Variants in MYO9A observed in about 807,000 individuals in gnomAD.
The protein encoded by MYO9A is myosin IXA.
Under a neutral mutation model 293.3 loss-of-function variants are expected in MYO9A, and 103 were observed. The ratio of observed to expected loss-of-function variants is 0.35; its 90% CI spans 0.30 to 0.41. The LOEUF (loss-of-function observed/expected upper bound fraction) is 0.41, where lower values mean the gene tolerates loss of function less well. Ranked by LOEUF, MYO9A falls within the 10% of genes least tolerant of loss-of-function variation. The pLI is 1.00. For synonymous variants in MYO9A, 1,001 were observed against 1,035.7 expected (o/e 0.97, Z 0.64); for missense variants, 2,685 against 3,033.0 (o/e 0.89, Z 2.69).
At chr15:72,091,763 G>C (rs2079919349) in intron 1 of MYO9A, among the ~76,000 whole-genome samples, 1 of 150,522 alleles carries the variant, frequency 6.6e-6, no homozygotes, top group Non-Finnish European at 1.5e-5. Context: ...GCCCAGGATG[G>C]AGTGCAGTGG....
intron 1 of MYO9A, among the ~76,000 whole-genome samples, chr15:72,107,812 C>CAAA (rs34453440): frequency 4.1e-5 from 6 of 147,720 alleles, no homozygotes; most frequent in Non-Finnish European, 3.0e-5. Context: ...AAAAAAAAAA[C>CAAA]GTCTGCAAAT....
intron 17 of MYO9A, 106 bp from the exon 18 acceptor site, chr15:71,933,815 T>A (rs1567289169): frequency 5.5e-6 from 5 of 902,718 alleles, no homozygotes; most frequent in Non-Finnish European, 8.7e-6. Context: ...CAACAGATTA[T>A]ATACCCATTA....
intron 25 of MYO9A, among the ~76,000 whole-genome samples, chr15:71,896,470 T>C (rs991969299): frequency 1.3e-5 from 2 of 152,080 alleles, no homozygotes; most frequent in Non-Finnish European, 2.9e-5. Flanking sequence ...ACCTCTAGTT[T>C]AAAAAAGTAT....
chr15:71,924,135 T>C (rs917097944), intron 18 of MYO9A, among the ~76,000 whole-genome samples: 10 of 152,262 alleles, frequency 6.6e-5, no homozygotes, highest in African/African-American at 1.4e-4. Flanking sequence ...GTTTAAAAAC[T>C]ATTTGCATAT....
Position 72,049,688 on chromosome 15 carries a change from C to T in MYO9A, c.-71-3054G>A, listed in dbSNP as rs374585934. ...TAGAAGCATTAAGCACTATTGTGAA[C>T]TGCATATGCAAGGGATCTAAACTGC... On this transcript the variant is annotated intron_variant, in intron 1 of 41. Transcript: ENST00000356056. Among the ~76,000 whole-genome samples the T allele has an allele frequency of 9.2e-5, 14 of 152,338 alleles. 1 individual carries two copies. The East Asian group carries it at 1.5e-3, about 17-fold the overall frequency.
chr15:72,021,843 A>G (rs1023867091), intron 4 of MYO9A, among the ~76,000 whole-genome samples: 5 of 152,142 alleles, frequency 3.3e-5, no homozygotes, highest in African/African-American at 1.2e-4. Flanking sequence ...GCTCTCAGAA[A>G]AATAACAGAT....
At chr15:71,944,875 C>T (rs998970130) in intron 15 of MYO9A, among the ~76,000 whole-genome samples, 1 of 152,106 alleles carries the variant, frequency 6.6e-6, no homozygotes, top group Non-Finnish European at 1.5e-5. Context: ...AAAAAATCTG[C>T]TATTATACTT....
chr15:71,963,304 C>T (rs78858787), intron 13 of MYO9A, among the ~76,000 whole-genome samples: 4,765 of 152,212 alleles, frequency 0.031, 120 homozygotes, highest in African/African-American at 0.059. Flanking sequence ...AGGCTGATCT[C>T]GAACTCCAGG....
chr15:71,978,865 C>T (rs1011549718), intron 11 of MYO9A, among the ~76,000 whole-genome samples: 1 of 151,518 alleles, frequency 6.6e-6, no homozygotes, highest in Admixed American at 6.6e-5. Context: ...AATCATCTTA[C>T]AAAGCGCTCC....
intron 13 of MYO9A, among the ~76,000 whole-genome samples, chr15:71,966,265 A>AGAGTGT (rs1555493717): frequency 7.4e-6 from 1 of 134,860 alleles, no homozygotes; most frequent in Non-Finnish European, 1.6e-5. Context: ...ATCCCAGGCA[A>AGAGTGT]GTGTGTGTGT....
At chr15:71,924,874 C>T (rs1462736286) in intron 18 of MYO9A, among the ~76,000 whole-genome samples, 1 of 151,018 alleles carries the variant, frequency 6.6e-6, no homozygotes. Context: ...AAGCCGAGAT[C>T]GTGTCACTGC....
At chr15:71,956,330 A>AAAAAAAAATATATATATAT (rs10642655) in intron 14 of MYO9A, among the ~76,000 whole-genome samples, 1 of 75,584 alleles carries the variant, frequency 1.3e-5, no homozygotes, top group African/African-American at 6.0e-5. Flanking sequence ...AAAAAAAAAA[A>AAAAAAAAATATATATATAT]ATATATATAT....
In MYO9A at chr15:71,996,904, C is replaced by T. The variant is rs539451422; in HGVS notation, c.1471-2319G>A. Among the ~76,000 whole-genome samples, 16 of 151,924 alleles carry T rather than the reference C, an allele frequency of 1.1e-4. No homozygotes were observed. In the East Asian group the frequency reaches 2.1e-3, roughly 20 times the overall value. On this transcript the variant is annotated intron_variant, in intron 9 of 41. Coordinates refer to ENST00000356056, the MANE Select transcript of MYO9A (RefSeq NM_006901.4). ...ATAAGTGTAGGCAGAACTGTAAATA[C>T]GATGGATTTCACTCCCATATGAAAC...
chr15:71,999,632 T>C lies in MYO9A; in HGVS notation c.1470+219A>G, dbSNP rs528310532. 9.2e-5 allele frequency among the ~76,000 whole-genome samples: 14 copies of C among 152,308 alleles called. No homozygotes were observed. In the South Asian group the frequency reaches 2.5e-3, roughly 27 times the overall value. Reference sequence around the variant, plus strand: ...ATTGGAAATGATGAAGAGGTTAAGATCCTTGGAGAAAAATGCAAGCCTATT... The same window carrying C: ...ATTGGAAATGATGAAGAGGTTAAGACCCTTGGAGAAAAATGCAAGCCTATT... On this transcript the variant is annotated intron_variant, in intron 9 of 41. Transcript: ENST00000356056.
At position 71,826,005 on chromosome 15, in the gene MYO9A, TTTTG is replaced by T. The variant is rs1292826326; in HGVS notation, c.*571_*574del. 1.5e-5 allele frequency: 2 copies of T among 137,784 alleles called. No homozygotes were observed. Among genetic ancestry groups the T allele is most frequent in the South Asian group, 2.4e-4 (1 of 4,208 alleles). The allele number at this position is 137,784 out of a possible 1,614,324, so 8.5% of individuals were successfully genotyped here. On this transcript the variant is annotated 3_prime_UTR_variant, in exon 42 of 42. Transcript: ENST00000356056. ...TCACGGTTTTTTTTTGTTTTTTTTT[TTTTG>T]TTTTTTTTTTTTGTTTTTGCTTTCC...
At chr15:71,950,048 T>G (rs1040755078) in intron 15 of MYO9A, among the ~76,000 whole-genome samples, 2 of 152,196 alleles carry the variant, frequency 1.3e-5, no homozygotes, top group African/African-American at 4.8e-5. Flanking sequence ...GTTTTATCAC[T>G]GTTACTTGTG....
chr15:71,998,565 C>CA (rs1555500627), intron 9 of MYO9A, among the ~76,000 whole-genome samples: 1 of 140,104 alleles, frequency 7.1e-6, no homozygotes, highest in Non-Finnish European at 1.5e-5. Flanking sequence ...TTTTTTTTGT[C>CA]TTTTTTTTTC....
At chr15:71,962,165 C>T (rs2075763566) in intron 13 of MYO9A, among the ~76,000 whole-genome samples, 1 of 152,112 alleles carries the variant, frequency 6.6e-6, no homozygotes, top group Non-Finnish European at 1.5e-5. Context: ...AGTAAGCTTC[C>T]ACTCTGGGAA....
At chr15:71,952,667 T>C (rs1048195406) in intron 14 of MYO9A, among the ~76,000 whole-genome samples, 9 of 152,204 alleles carry the variant, frequency 5.9e-5, no homozygotes, top group Admixed American at 3.3e-4. Flanking sequence ...GTGTAACATT[T>C]ATTCAGAGAT....
Sources: allele counts gnomAD v4.1 joint callset (sites outside exome capture counted in the v4.1 genomes callset), GRCh38; gene constraint gnomAD v4.1.1; transcripts MANE v1.5; gene names NCBI Gene and HGNC (gene_info 2026-07-23, HGNC 2026-07-21).